CUL9: variants seen among roughly 807,000 people sequenced by gnomAD.
CUL9 encodes cullin-9.
A neutral mutation model predicts 272.6 loss-of-function variants in CUL9; 79 were observed. The observed-to-expected ratio is 0.29, with a 90% CI of 0.24 to 0.35. CUL9 has a LOEUF of 0.35. Among genes scored for constraint, CUL9 ranks in the 10% least tolerant of loss-of-function variants. The probability of loss-of-function intolerance (pLI) is 1.00; values close to 1 mark genes in which losing one functional copy is unlikely to be tolerated. For synonymous variants in CUL9, 1,186 were observed against 1,286.5 expected, an observed-to-expected ratio of 0.92 and a Z score of 1.67; for missense variants, 2,532 against 3,255.6, an observed-to-expected ratio of 0.78 and a Z score of 5.41.
rs751927367 is a variant in CUL9, at chr6:43,204,852, G to C, written c.4444G>C (p.Glu1482Gln). The change falls in exon 22 of 41, where the codon GAG (glutamate) becomes CAG (glutamine). Residue 1482 changes from glutamate (E) to glutamine (Q), a missense_variant. Transcript: ENST00000252050. ...ITQCWLSVVQ[E>Q]QVSRFLAAAW... ...CCAGTGCTGGCTGAGCGTGGTGCAG[G>C]AGCAGGTGGGCAGAAGCAAGCAGAA... 12 of 1,614,072 alleles carry C rather than the reference G, an allele frequency of 7.4e-6. No homozygotes were observed. In the Admixed American group the frequency reaches 2.0e-4, roughly 27 times the overall value.
intron 5 of CUL9, 68 bp from the exon 6 acceptor site, chr6:43,187,178 G>T: frequency 6.2e-7 from 1 of 1,604,788 alleles, no homozygotes; most frequent in South Asian, 1.1e-5. Context: ...ACCAGGAGCA[G>T]CCCTAGGGGT....
At chr6:43,204,698 T>A in intron 21 of CUL9, 50 bp from the exon 22 acceptor site, 1 of 1,603,894 alleles carries the variant, frequency 6.2e-7, no homozygotes, top group Non-Finnish European at 8.5e-7. Context: ...ACCGGTGTAC[T>A]CACCCAGAGG....
Position 43,216,405 on chromosome 6 carries a change from G to A in CUL9, c.6184G>A (p.Ala2062Thr), listed in dbSNP as rs755517413. The change falls in exon 31 of 41, where the codon GCT (alanine) becomes ACT (threonine). Residue 2062 changes from alanine (A) to threonine (T), a missense_variant. Around this residue, in one of 3 missense-constraint regions of CUL9, gnomAD observed 2,218 missense variants for 2,788.6 expected, o/e 0.80. Transcript: ENST00000252050. ...AAGLCVHQAQ[A>T]VPVRPDHCPV... ...TGGGCTGTGCGTACACCAGGCTCAG[G>A]CTGTACCCGTACGGCCTGACCACTG... The A allele has an allele frequency of 6.2e-7, 1 of 1,614,044 alleles. No homozygotes were observed. The highest frequency in any genetic ancestry group is 8.5e-7 in the Non-Finnish European group (1 of 1,180,006).
In CUL9 at chr6:43,184,693, G is replaced by T; in HGVS notation, c.383G>T (p.Arg128Met). ...CAGGCGCTGGTACGCAGGGCGGCCA[G>T]GCAGCTGGCAGAAAGTGGGACCCCA... ...DVQALVRRAARQLAESGTPSL... is the reference protein window; with the variant it reads ...DVQALVRRAAMQLAESGTPSL... The change falls in exon 2 of 41, where the codon AGG becomes ATG. Residue 128 changes from arginine to methionine, a missense_variant. Transcript: ENST00000252050. This position sits in a 1 kb window ranked among gnomAD's most constrained non-coding sequence, Gnocchi z 4.8. 6.2e-7 allele frequency: 1 copy of T among 1,613,420 alleles called. No homozygotes were observed. Among genetic ancestry groups the T allele is most frequent in the African/African-American group, 1.3e-5 (1 of 75,058 alleles).
rs1776363386 is a variant in CUL9, at chr6:43,221,478, T to G, written c.6752+157T>G. On this transcript the variant is annotated intron_variant, in intron 34 of 40. Coordinates refer to ENST00000252050, the MANE Select transcript of CUL9 (RefSeq NM_015089.4). The surrounding 1 kb of genome is among the most constrained non-coding windows in gnomAD (Gnocchi z 4.2). ...GCCTCCACGGTGACTTCCTGGATCT[T>G]AATGTTCCTTCTCCCACTCGTAAGT... The G allele has an allele frequency of 2.1e-6, 2 of 956,756 alleles. No individual in the cohort carries two copies. Among genetic ancestry groups the G allele is most frequent in the African/African-American group, 3.3e-5 (2 of 60,508 alleles). The allele number at this position is 956,756 out of a possible 1,614,324, so 59.3% of individuals were successfully genotyped here.
chr6:43,215,696 T>C (rs1333415749), intron 30 of CUL9, among the ~76,000 whole-genome samples: 1 of 152,198 alleles, frequency 6.6e-6, no homozygotes, highest in South Asian at 2.1e-4. Context: ...GTTTGCATCA[T>C]GTGTAAAGTG....
chr6:43,223,885 C>T lies in CUL9; in HGVS notation c.7285-210C>T, dbSNP rs923560725. The T allele has an allele frequency of 1.5e-5, 9 of 601,886 alleles. No individual in the cohort carries two copies. Among genetic ancestry groups the T allele is most frequent in the African/African-American group, 1.5e-4 (8 of 54,008 alleles). The allele number at this position is 601,886 out of a possible 1,614,324, so 37.3% of individuals were successfully genotyped here. A position where few individuals can be genotyped will look rare whatever the true frequency, so the allele number is the denominator to read the frequency against. On this transcript the variant is annotated intron_variant, in intron 39 of 40. Transcript: ENST00000252050. This position sits in a 1 kb window ranked among gnomAD's most constrained non-coding sequence, Gnocchi z 4.1. ...ACATAGATTCTGTAAGCTCTTTAAG[C>T]ACAGGGTCGTGTGCCTCACCTGGTA...
At chr6:43,190,534 A>AT (rs1773369307) in intron 8 of CUL9, among the ~76,000 whole-genome samples, 1 of 152,306 alleles carries the variant, frequency 6.6e-6, no homozygotes, top group Admixed American at 6.5e-5. Context: ...TATTCAAGTG[A>AT]GATTGACAGA....
intron 31 of CUL9, among the ~76,000 whole-genome samples, chr6:43,216,839 A>G (rs1775982306): frequency 6.6e-6 from 1 of 152,228 alleles, no homozygotes; most frequent in Non-Finnish European, 1.5e-5. Context: ...AGAAATCTAC[A>G]GGAAGTTTTA....
chr6:43,187,040 G>C lies in CUL9; in HGVS notation c.1332G>C (p.Glu444Asp), dbSNP rs772765032. Residue 444 changes from glutamate to aspartate, a missense_variant, in exon 5 of 41, where the codon GAG (glutamate) becomes GAC (aspartate). Glu to Asp is a conservative substitution (Grantham distance 45). This residue lies in a region of CUL9 where 2,218 missense variants were observed against 2,788.6 expected (regional missense o/e 0.80). Transcript: ENST00000252050. Reference sequence around the variant, plus strand: ...TCCTGGGCCCTGAGGAAGCCACTGAGGATAAGGCTTCAGCAGCTGTGGAGA... The same window carrying C: ...TCCTGGGCCCTGAGGAAGCCACTGACGATAAGGCTTCAGCAGCTGTGGAGA... ...LEILGPEEATEDKASAAVEKG... is the reference protein window; with the variant it reads ...LEILGPEEATDDKASAAVEKG... The C allele has an allele frequency of 2.1e-5, 34 of 1,613,988 alleles. No homozygotes were observed. The highest frequency in any genetic ancestry group is 2.8e-5 in the Non-Finnish European group (33 of 1,179,972).
At chr6:43,190,296 C>T (rs1466227591) in intron 8 of CUL9, among the ~76,000 whole-genome samples, 1 of 142,106 alleles carries the variant, frequency 7.0e-6, no homozygotes, top group Non-Finnish European at 1.5e-5. Flanking sequence ...TACATTTGTT[C>T]TGTTTTTTTT....
In CUL9 at chr6:43,213,271, C is replaced by T. The variant is rs774674164; in HGVS notation, c.5335C>T (p.Leu1779=). 3 of 1,613,304 alleles carry T rather than the reference C, an allele frequency of 1.9e-6. No homozygotes were observed. Among genetic ancestry groups the T allele is most frequent in the South Asian group, 2.2e-5 (2 of 91,054 alleles). ...TGTGTCCACCGTGCAGATGTGGCTG[C>T]TGCTGAAATTCAATCAGACAGAGGT... ...LHVSTVQMWL[L]LKFNQTEEVS... Residue 1779 remains leucine (L), a synonymous_variant, in exon 27 of 41, where the codon CTG becomes TTG. Coordinates refer to ENST00000252050, the MANE Select transcript of CUL9 (RefSeq NM_015089.4). This position sits in a 1 kb window ranked among gnomAD's most constrained non-coding sequence, Gnocchi z 5.7.
rs1264508475 is a variant in CUL9, at chr6:43,204,395, G to C, written c.4195G>C (p.Asp1399His). 1.2e-6 allele frequency: 2 copies of C among 1,614,146 alleles called. No individual in the cohort carries two copies. The highest frequency in any genetic ancestry group is 1.7e-6 in the Non-Finnish European group (2 of 1,180,026). The change falls in exon 21 of 41, where the codon GAT (aspartate) becomes CAT (histidine). Residue 1399 changes from aspartate to histidine, a missense_variant. Physicochemically the swap from Asp to His is moderately conservative, Grantham distance 81. Coordinates refer to ENST00000252050, the MANE Select transcript of CUL9 (RefSeq NM_015089.4). ...EGVSALGWLL[D>H]QYLEQRETSR... Reference sequence around the variant, plus strand: ...CGTGAGTGCCCTGGGATGGCTGCTGGATCAGTACTTAGAACAGAGAGAGAC... The same window carrying C: ...CGTGAGTGCCCTGGGATGGCTGCTGCATCAGTACTTAGAACAGAGAGAGAC...
At position 43,224,014 on chromosome 6, in the gene CUL9, A is replaced by G. The variant is rs1776599734; in HGVS notation, c.7285-81A>G. The G allele has an allele frequency of 2.9e-6, 4 of 1,381,990 alleles. No homozygotes were observed. The highest frequency in any genetic ancestry group is 1.4e-5 in the African/African-American group (1 of 70,330). 85.6% of individuals were successfully genotyped at this position (1,381,990 alleles called of 1,614,324 possible). A position where few individuals can be genotyped will look rare whatever the true frequency, so the allele number is the denominator to read the frequency against. The stretch of plus-strand genomic sequence containing the variant: ...GTCCTAGCAGGAGCTTGGCCCTCCC[A>G]GAGCATCAGTGGAAGGAATGCTGGG... On this transcript the variant is annotated intron_variant, in intron 39 of 40. Coordinates refer to ENST00000252050, the MANE Select transcript of CUL9 (RefSeq NM_015089.4). The surrounding 1 kb of genome is among the most constrained non-coding windows in gnomAD (Gnocchi z 4.2).
At chr6:43,215,769 C>T (rs1775889509) in intron 30 of CUL9, among the ~76,000 whole-genome samples, 1 of 152,210 alleles carries the variant, frequency 6.6e-6, no homozygotes, top group South Asian at 2.1e-4. Flanking sequence ...GCAGATTTAA[C>T]AGCAGAGCTC....
At position 43,206,235 on chromosome 6, in the gene CUL9, G is replaced by A. The variant is rs775171024; in HGVS notation, c.5022G>A (p.Glu1674=). The part of the protein sequence containing the change: ...DEEEKRLEEE[E]EEEEEEEAEK... ...AGGAAAAGAGACTAGAGGAAGAGGA[G>A]GTAAGAGCAGGGAGAATAGGAGAGT... is the stretch of plus-strand genomic sequence containing the variant. Residue 1674 remains glutamate (E), a splice_region_variant and synonymous_variant, in exon 25 of 41, where the codon GAG becomes GAA. Transcript: ENST00000252050. This position sits in a 1 kb window ranked among gnomAD's most constrained non-coding sequence, Gnocchi z 4.8. 1 of 1,612,196 alleles carries A rather than the reference G, an allele frequency of 6.2e-7. No homozygotes were observed. The highest frequency in any genetic ancestry group is 8.5e-7 in the Non-Finnish European group (1 of 1,179,040).
intron 16 of CUL9, among the ~76,000 whole-genome samples, chr6:43,202,210 G>A (rs1196474660): frequency 4.6e-5 from 7 of 152,188 alleles, no homozygotes; most frequent in African/African-American, 7.2e-5. Context: ...AACAGGAAGC[G>A]GGACAGGTTT....
At chr6:43,191,356 G>A (rs574798801) in intron 8 of CUL9, among the ~76,000 whole-genome samples, 5 of 149,618 alleles carry the variant, frequency 3.3e-5, no homozygotes, top group African/African-American at 9.9e-5. Flanking sequence ...TCTGTTGACC[G>A]GGCTGGAGTG....
intron 29 of CUL9, 67 bp from the exon 30 acceptor site, chr6:43,215,012 G>T: frequency 6.6e-7 from 1 of 1,505,456 alleles, no homozygotes; most frequent in Non-Finnish European, 8.9e-7. Context: ...TGGCAGAGCT[G>T]GGCATTGAGC....
Sources: allele counts gnomAD v4.1 joint callset (sites outside exome capture counted in the v4.1 genomes callset), GRCh38; gene constraint gnomAD v4.1.1; regional missense constraint gnomAD v4.1.1; non-coding constraint Gnocchi (gnomAD v3.1); transcripts MANE v1.5; gene names NCBI Gene and HGNC (gene_info 2026-07-23, HGNC 2026-07-21).